The following GRIN2D variants were observed in gnomAD, a reference collection of about 807,000 sequenced individuals.
The protein encoded by GRIN2D is glutamate ionotropic receptor NMDA type subunit 2D.
Under a neutral mutation model 103.2 loss-of-function variants are expected in GRIN2D, and 37 were observed. That is an observed-to-expected ratio of 0.36 (90% CI 0.28 to 0.47). The LOEUF is 0.47. Among genes scored for constraint, GRIN2D ranks in the 20% least tolerant of loss-of-function variants. GRIN2D has a pLI of 1.00. For missense variants in GRIN2D, 1,557 were observed against 1,910.6 expected (o/e 0.81, Z 3.45); for synonymous variants, 845 against 885.6 (o/e 0.95, Z 0.81).
chr19:48,403,306 A>G (rs1386880990), intron 3 of GRIN2D, among the ~76,000 whole-genome samples: 3 of 152,124 alleles, frequency 2.0e-5, no homozygotes, highest in Non-Finnish European at 4.4e-5. Flanking sequence ...GCACTGTTCA[A>G]TAAAACTTTC....
chr19:48,407,431 G>A (rs1275579292), intron 4 of GRIN2D, among the ~76,000 whole-genome samples: 1 of 152,100 alleles, frequency 6.6e-6, no homozygotes, highest in African/African-American at 2.4e-5. Context: ...AGCTCTTGCT[G>A]GTCACAACTC....
chr19:48,443,574 CG>C lies in GRIN2D; in HGVS notation c.3651del (p.Leu1219CysfsTer299). On this transcript the variant is annotated frameshift_variant, in exon 14 of 14. Transcript: ENST00000263269. LOFTEE classifies it high-confidence loss of function. The surrounding 1 kb of genome is among the most constrained non-coding windows in gnomAD (Gnocchi z 8.9). ...CGCCACCGCCTCCACCCTGGGCCGC[CG>C]GGCCCCTGCCCCGACGCCGGGCCCG... ...WAPPPPPWAA[G>X]PLPRRRARCG... The C allele has an allele frequency of 1.6e-6, 2 of 1,219,338 alleles. No individual in the cohort carries two copies. Among genetic ancestry groups the C allele is most frequent in the Non-Finnish European group, 1.0e-6 (1 of 979,894 alleles). The allele number at this position is 1,219,338 out of a possible 1,614,324, so 75.5% of individuals were successfully genotyped here. A position where few individuals can be genotyped will look rare whatever the true frequency, so the allele number is the denominator to read the frequency against.
At chr19:48,397,353 A>C (rs1970655902) in intron 2 of GRIN2D, among the ~76,000 whole-genome samples, 1 of 147,924 alleles carries the variant, frequency 6.8e-6, no homozygotes. Flanking sequence ...CCTCCCTTTT[A>C]TTTCTGCTCC....
At chr19:48,412,421 AAAAG>A (rs57100057) in intron 4 of GRIN2D, among the ~76,000 whole-genome samples, 25,957 of 123,122 alleles carry the variant, frequency 0.21, 2,744 homozygotes, top group Non-Finnish European at 0.21. Flanking sequence ...AAAGAGAAAG[AAAAG>A]AAAGAAAGAA....
intron 11 of GRIN2D, among the ~76,000 whole-genome samples, chr19:48,430,597 G>A (rs1276250264): frequency 6.6e-6 from 1 of 152,188 alleles, no homozygotes; most frequent in Non-Finnish European, 1.5e-5. Context: ...TTACAGGTGT[G>A]AGCCACCATG....
At chr19:48,430,678 CTG>C (rs1170190761) in intron 11 of GRIN2D, among the ~76,000 whole-genome samples, 1 of 152,070 alleles carries the variant, frequency 6.6e-6, no homozygotes. Context: ...TGCTTCATGG[CTG>C]TGTTTTCTTT....
chr19:48,409,492 C>T (rs1184471360), intron 4 of GRIN2D, among the ~76,000 whole-genome samples: 2 of 151,648 alleles, frequency 1.3e-5, no homozygotes, highest in Non-Finnish European at 2.9e-5. Flanking sequence ...GGCCAGGCTG[C>T]TCTCAAACTC....
intron 4 of GRIN2D, among the ~76,000 whole-genome samples, chr19:48,413,137 AAAAAAC>A (rs1159192863): frequency 1.3e-5 from 2 of 149,120 alleles, no homozygotes; most frequent in Admixed American, 6.8e-5. Context: ...ACTCTGTCTC[AAAAAAC>A]AAAAACAAAA....
At chr19:48,422,817 C>T (rs1004382056) in intron 11 of GRIN2D, among the ~76,000 whole-genome samples, 11 of 152,232 alleles carry the variant, frequency 7.2e-5, no homozygotes, top group African/African-American at 2.6e-4. Flanking sequence ...AGAGGCCAGG[C>T]GCAGTAGCTC....
chr19:48,399,461 G>C (rs1260070494), intron 3 of GRIN2D, among the ~76,000 whole-genome samples: 2 of 152,134 alleles, frequency 1.3e-5, no homozygotes, highest in Non-Finnish European at 2.9e-5. Context: ...CCAACTACTC[G>C]GGAGGGTGAG....
At position 48,444,185 on chromosome 19, in the gene GRIN2D, A is replaced by T. The variant is rs1257492644; in HGVS notation, c.*248A>T. 2.7e-6 allele frequency: 1 copy of T among 370,046 alleles called. No homozygotes were observed. The highest frequency in any genetic ancestry group is 4.8e-6 in the Non-Finnish European group (1 of 206,608). 22.9% of individuals were successfully genotyped at this position (370,046 alleles called of 1,614,324 possible). A position where few individuals can be genotyped will look rare whatever the true frequency, so the allele number is the denominator to read the frequency against. The stretch of plus-strand genomic sequence containing the variant: ...CTTGGAGCCCACCGGACTTTTTTTT[A>T]AACCCGACAAGGGCTTTTTAACGTC... On this transcript the variant is annotated 3_prime_UTR_variant, in exon 14 of 14. Transcript: ENST00000263269. The surrounding 1 kb of genome is among the most constrained non-coding windows in gnomAD (Gnocchi z 5.5).
rs1555892636 is a variant in GRIN2D, at chr19:48,412,421, A to AAAAGAAAAG, written c.1086-1563_1086-1562insAGAAAGAAA. On this transcript the variant is annotated intron_variant, in intron 4 of 13. Coordinates refer to ENST00000263269, the MANE Select transcript of GRIN2D (RefSeq NM_000836.4). ...AGAAAAGAAAGAAAGAAAGAGAAAG[A>AAAAGAAAAG]AAAGAAAGAAAGAAAGAAAGAAAGA... 4.1e-5 allele frequency among the ~76,000 whole-genome samples: 5 copies of AAAAGAAAAG among 123,436 alleles called. No homozygotes were observed. In the East Asian group the frequency reaches 1.2e-3, roughly 30 times the overall value. 81.0% of individuals were successfully genotyped at this position (123,436 alleles called of 152,430 possible).
chr19:48,438,519 C>A (rs1488324744), intron 11 of GRIN2D, among the ~76,000 whole-genome samples: 3 of 151,864 alleles, frequency 2.0e-5, no homozygotes, highest in Non-Finnish European at 4.4e-5. Flanking sequence ...AGGATGGTCT[C>A]GATCTCCTGA....
Position 48,443,203 on chromosome 19 carries a change from C to G in GRIN2D, c.3277C>G (p.Pro1093Ala), listed in dbSNP as rs752857170. ...CGCAGGCGGAGGAGCCCCGGCCGCT[C>G]CGCCCCCGTGCCGCGCCGCGCCGCC... ...GGAGGGAPAA[P>A]PPCRAAPPPC... The change falls in exon 14 of 14, where the codon CCG becomes GCG. Residue 1093 changes from proline (P) to alanine (A), a missense_variant. Coordinates refer to ENST00000263269, the MANE Select transcript of GRIN2D (RefSeq NM_000836.4). This position sits in a 1 kb window ranked among gnomAD's most constrained non-coding sequence, Gnocchi z 8.9. 8.9e-5 allele frequency: 109 copies of G among 1,224,464 alleles called. 4 individuals carry two copies. The South Asian group carries it at 2.4e-3, about 26-fold the overall frequency. 75.8% of individuals were successfully genotyped at this position (1,224,464 alleles called of 1,614,324 possible). A position where few individuals can be genotyped will look rare whatever the true frequency, so the allele number is the denominator to read the frequency against.
chr19:48,415,107 A>C, intron 7 of GRIN2D, 75 bp downstream of exon 7: 2 of 1,347,486 alleles, frequency 1.5e-6, no homozygotes, highest in Non-Finnish European at 1.0e-6. Flanking sequence ...GTGGTGGCTC[A>C]CGCCTGTAAT....
Position 48,444,255 on chromosome 19 carries a change from C to T in GRIN2D, c.*318C>T. ...GGGGGGTTCACGCCACTCCCGCGTC[C>T]CACCTCCACGCCCGGGGCCGTGGCC... On this transcript the variant is annotated 3_prime_UTR_variant, in exon 14 of 14. Transcript: ENST00000263269. The surrounding 1 kb of genome is among the most constrained non-coding windows in gnomAD (Gnocchi z 5.5). The T allele has an allele frequency of 4.1e-6, 1 of 244,624 alleles. No individual in the cohort carries two copies. The highest frequency in any genetic ancestry group is 7.9e-6 in the Non-Finnish European group (1 of 127,304). The allele number at this position is 244,624 out of a possible 1,614,324, so 15.2% of individuals were successfully genotyped here.
chr19:48,398,312 C>T (rs1160704747), intron 2 of GRIN2D, 55 bp from the exon 3 acceptor site: 16 of 670,404 alleles, frequency 2.4e-5, no homozygotes, highest in Admixed American at 5.9e-5. Flanking sequence ...CCTGTCCCTG[C>T]GTCTCCCGTC....
At chr19:48,418,033 CTTT>C (rs1362608820) in intron 8 of GRIN2D, among the ~76,000 whole-genome samples, 9 of 130,102 alleles carry the variant, frequency 6.9e-5, no homozygotes, top group Non-Finnish European at 9.8e-5. Context: ...CCTGCGAGTT[CTTT>C]TTTTTTTTTT....
intron 4 of GRIN2D, among the ~76,000 whole-genome samples, chr19:48,408,090 T>C (rs1369814348): frequency 1.3e-5 from 2 of 151,886 alleles, no homozygotes; most frequent in Non-Finnish European, 2.9e-5. Context: ...ATCCCAGCAC[T>C]TTGGGAGGCC....
Sources: gnomAD v4.1 joint callset for allele counts (sites outside exome capture counted in the v4.1 genomes callset) on GRCh38, gnomAD v4.1.1 for gene constraint, Gnocchi (gnomAD v3.1) non-coding constraint, MANE v1.5 for transcripts, NCBI Gene and HGNC (gene_info 2026-07-23, HGNC 2026-07-21) for gene names.